The following NFASC variants were observed in gnomAD, a reference collection of about 807,000 sequenced individuals.
The protein encoded by NFASC is neurofascin homolog.
Under a neutral mutation model 147.5 loss-of-function variants are expected in NFASC, and 43 were observed. The observed-to-expected ratio is 0.29, with a 90% CI of 0.23 to 0.38. The LOEUF (loss-of-function observed/expected upper bound fraction) is 0.38. NFASC is among the 10% of genes least tolerant of loss of function. The probability of loss-of-function intolerance (pLI) is 1.00; values close to 1 mark genes in which losing one functional copy is unlikely to be tolerated. For missense variants in NFASC, 1,320 were observed against 1,689.0 expected (o/e 0.78, Z 3.83); for synonymous variants, 622 against 665.5 (o/e 0.93, Z 1.01).
chr1:204,916,074 A>G (rs927700918), intron 1 of NFASC, among the ~76,000 whole-genome samples: 2 of 152,168 alleles, frequency 1.3e-5, no homozygotes, highest in African/African-American at 4.8e-5. Flanking sequence ...GACCTCATTC[A>G]GAGGAACGAA....
At chr1:204,956,384 C>T (rs964582194) in intron 7 of NFASC, among the ~76,000 whole-genome samples, 8 of 152,320 alleles carry the variant, frequency 5.3e-5, no homozygotes, top group African/African-American at 1.9e-4. Context: ...CATCCCCTTA[C>T]ACCACTGAGT....
chr1:204,867,693 C>G (rs1375483174), intron 1 of NFASC, among the ~76,000 whole-genome samples: 3 of 152,192 alleles, frequency 2.0e-5, no homozygotes, highest in Non-Finnish European at 4.4e-5. Context: ...CATGCTCACA[C>G]TCACTGAAGC....
intron 1 of NFASC, among the ~76,000 whole-genome samples, chr1:204,845,024 C>A (rs1676539636): frequency 6.6e-6 from 1 of 152,126 alleles, no homozygotes; most frequent in Non-Finnish European, 1.5e-5. Context: ...TACTGGGGCC[C>A]ATTGTATGAG....
chr1:204,959,078 A>C (rs1425791465), intron 8 of NFASC, among the ~76,000 whole-genome samples: 5 of 141,128 alleles, frequency 3.5e-5, no homozygotes, highest in East Asian at 2.1e-4. Context: ...TTTTTCTTTC[A>C]CCTTTTCATT....
At chr1:204,852,507 A>G (rs962417959) in intron 1 of NFASC, among the ~76,000 whole-genome samples, 3 of 152,220 alleles carry the variant, frequency 2.0e-5, no homozygotes, top group Non-Finnish European at 2.9e-5. Flanking sequence ...CTGAAAAACA[A>G]AACAAAACAA....
chr1:204,926,478 A>G (rs986827944), intron 2 of NFASC, among the ~76,000 whole-genome samples: 1 of 141,154 alleles, frequency 7.1e-6, no homozygotes, highest in African/African-American at 2.7e-5. Flanking sequence ...CAGTGGCACA[A>G]TCTCAGCCCA....
chr1:204,907,719 G>A (rs1490849714), intron 1 of NFASC, among the ~76,000 whole-genome samples: 1 of 152,140 alleles, frequency 6.6e-6, no homozygotes, highest in Non-Finnish European at 1.5e-5. Flanking sequence ...TCAGAATGCA[G>A]GTCCAGTTAT....
intron 8 of NFASC, 77 bp downstream of exon 8, chr1:204,957,903 A>C: frequency 7.2e-7 from 1 of 1,382,470 alleles, no homozygotes; most frequent in South Asian, 1.2e-5. Flanking sequence ...TAGGTACCTG[A>C]GTCTATAGGG....
chr1:205,014,538 C>G (rs1164210782), intron 29 of NFASC, among the ~76,000 whole-genome samples: 2 of 152,224 alleles, frequency 1.3e-5, no homozygotes, highest in East Asian at 1.9e-4. Context: ...ATCCATCCAC[C>G]TAGACCTTGA....
chr1:204,837,361 G>A (rs538434536), intron 1 of NFASC, among the ~76,000 whole-genome samples: 1 of 152,338 alleles, frequency 6.6e-6, no homozygotes, highest in African/African-American at 2.4e-5. Flanking sequence ...GGCTAGAAGA[G>A]GGAAACAGCT....
chr1:204,829,787 G>T (rs1206032532), intron 1 of NFASC, among the ~76,000 whole-genome samples: 1 of 152,194 alleles, frequency 6.6e-6, no homozygotes, highest in African/African-American at 2.4e-5. Context: ...TGGATGAGGA[G>T]CCCTGCTGGA....
intron 8 of NFASC, among the ~76,000 whole-genome samples, chr1:204,967,312 T>A (rs116096571): frequency 0.01 from 1,578 of 152,270 alleles, 16 homozygotes; most frequent in Admixed American, 0.019. Context: ...ATCTTACCCA[T>A]TCCCCTAGAG....
chr1:204,980,301 A>C lies in NFASC; in HGVS notation c.2177-69A>C, dbSNP rs1376863379. On this transcript the variant is annotated intron_variant, in intron 19 of 29. Coordinates refer to ENST00000339876, the MANE Select transcript of NFASC (RefSeq NM_001005388.3). ...AGAACAGACCCATCAGGTAGGACAGAGGAAGGTTCCTTACCTTGCCCTGGA... is the reference window on the plus strand; with the variant it reads ...AGAACAGACCCATCAGGTAGGACAGCGGAAGGTTCCTTACCTTGCCCTGGA... 109 of 1,203,724 alleles carry C rather than the reference A, an allele frequency of 9.1e-5. 1 individual carries two copies. In the South Asian group the frequency reaches 1.3e-3, roughly 15 times the overall value. The allele number at this position is 1,203,724 out of a possible 1,614,324, so 74.6% of individuals were successfully genotyped here.
chr1:204,905,252 T>C (rs946672025), intron 1 of NFASC, among the ~76,000 whole-genome samples: 2 of 152,194 alleles, frequency 1.3e-5, no homozygotes, highest in Non-Finnish European at 2.9e-5. Flanking sequence ...ACCTGGCTTA[T>C]TTTTAATTGT....
chr1:204,939,934 T>C (rs900601281), intron 2 of NFASC, among the ~76,000 whole-genome samples: 9 of 152,230 alleles, frequency 5.9e-5, no homozygotes, highest in Non-Finnish European at 8.8e-5. Context: ...GATTCATTCC[T>C]TCCTTTGACT....
At chr1:204,991,578 CCTG>C (rs1403217786) in intron 24 of NFASC, among the ~76,000 whole-genome samples, 2 of 152,248 alleles carry the variant, frequency 1.3e-5, no homozygotes, top group Non-Finnish European at 2.9e-5. Flanking sequence ...CCGGCCCTGA[CCTG>C]CTCTCTGGAG....
intron 27 of NFASC, among the ~76,000 whole-genome samples, chr1:205,007,738 G>T (rs1055153306): frequency 1.3e-5 from 2 of 152,160 alleles, no homozygotes; most frequent in African/African-American, 2.4e-5. Context: ...GGCCAGCATG[G>T]CTGGAGCATA....
intron 1 of NFASC, chr1:204,871,116 C>G (rs1344059060): frequency 7.8e-7 from 1 of 1,288,044 alleles, no homozygotes; most frequent in Admixed American, 2.3e-5. Flanking sequence ...TCATCCTCAC[C>G]CCATTCCTCC....
chr1:204,937,809 T>C (rs1324174361), intron 2 of NFASC, among the ~76,000 whole-genome samples: 3 of 152,202 alleles, frequency 2.0e-5, no homozygotes, highest in Non-Finnish European at 4.4e-5. Context: ...ACTGGATTTT[T>C]GGTTCAACAT....
Sources: gnomAD v4.1 joint callset for allele counts (sites outside exome capture counted in the v4.1 genomes callset) on GRCh38, gnomAD v4.1.1 for gene constraint, MANE v1.5 for transcripts, NCBI Gene and HGNC (gene_info 2026-07-23, HGNC 2026-07-21) for gene names.